Variants in TP53BP1 observed in about 807,000 individuals in gnomAD.
TP53BP1 encodes the protein TP53-binding protein 1.
A neutral mutation model predicts 200.8 loss-of-function variants in TP53BP1; 61 were observed. The observed-to-expected ratio is 0.30, with a 90% CI of 0.25 to 0.38. The LOEUF (loss-of-function observed/expected upper bound fraction) is 0.38, where lower values mean the gene tolerates loss of function less well. Among genes scored for constraint, TP53BP1 ranks in the 10% least tolerant of loss-of-function variants. The probability of loss-of-function intolerance (pLI) is 1.00; values close to 1 mark genes in which losing one functional copy is unlikely to be tolerated. For missense variants in TP53BP1, 2,144 were observed against 2,371.9 expected, an observed-to-expected ratio of 0.90 and a Z score of 2.00; for synonymous variants, 822 against 844.3, an observed-to-expected ratio of 0.97 and a Z score of 0.46.
intron 4 of TP53BP1, among the ~76,000 whole-genome samples, chr15:43,482,043 TG>T (rs765167520): frequency 6.1e-5 from 9 of 148,562 alleles, no homozygotes; most frequent in Non-Finnish European, 1.0e-4. Context: ...CTGGCTAACA[TG>T]GTGAAACCCC....
At chr15:43,440,316 C>T (rs1029573498) in intron 15 of TP53BP1, among the ~76,000 whole-genome samples, 6 of 151,942 alleles carry the variant, frequency 3.9e-5, no homozygotes, top group Non-Finnish European at 7.4e-5. Flanking sequence ...TCGAGACCAT[C>T]CTGGCTAACA....
upstream of TP53BP1, chr15:43,493,213 C>T: frequency 6.8e-7 from 1 of 1,471,286 alleles, no homozygotes; most frequent in Non-Finnish European, 9.0e-7. Context: ...CGCCGCCCGC[C>T]ACTCAAGAAA....
At chr15:43,477,821 C>G in intron 7 of TP53BP1, 62 bp from the exon 8 acceptor site, 1 of 1,320,632 alleles carries the variant, frequency 7.6e-7, no homozygotes, top group Non-Finnish European at 1.0e-6. Flanking sequence ...AAATAAAAAG[C>G]TTTTCCTGTT....
Position 43,408,100 on chromosome 15 carries a change from A to G in TP53BP1, c.5601-12T>C. On this transcript the variant is annotated splice_polypyrimidine_tract_variant and intron_variant, in intron 26 of 27. Coordinates refer to ENST00000382044, the MANE Select transcript of TP53BP1 (RefSeq NM_001141980.3). ...TTTCACGGGGTTGCCTATGAAGGAG[A>G]CAGGAAAGGACCTTAGCATGACAAG... is the stretch of plus-strand genomic sequence containing the variant. The G allele has an allele frequency of 1.9e-6, 3 of 1,612,912 alleles. No homozygotes were observed. Among genetic ancestry groups the G allele is most frequent in the Non-Finnish European group, 2.5e-6 (3 of 1,179,460 alleles).
chr15:43,510,205 T>C (rs1053153341), intron 1 of TP53BP1, among the ~76,000 whole-genome samples: 18 of 151,950 alleles, frequency 1.2e-4, no homozygotes, highest in African/African-American at 4.3e-4. Flanking sequence ...AACAGTCTCC[T>C]GAGGGAGACC....
chr15:43,465,317 T>C (rs536924818), intron 11 of TP53BP1, among the ~76,000 whole-genome samples: 2 of 152,252 alleles, frequency 1.3e-5, no homozygotes, highest in African/African-American at 2.4e-5. Context: ...ATGGTGATGG[T>C]TGCACAACTC....
Position 43,473,105 on chromosome 15 carries a change from C to T in TP53BP1, c.1180+1568G>A, listed in dbSNP as rs138396042. Among the ~76,000 whole-genome samples the T allele has an allele frequency of 2.0e-3, 299 of 152,210 alleles. 1 individual carries two copies. Among genetic ancestry groups the T allele is most frequent in the African/African-American group, 6.8e-3 (282 of 41,532 alleles). The stretch of plus-strand genomic sequence containing the variant: ...AGTTGTTCGTTCCTCCCAGTGGGCT[C>T]GTGGTCTCGCTGGCTTTAGGAGTGA... On this transcript the variant is annotated intron_variant, in intron 10 of 27. Coordinates refer to ENST00000382044, the MANE Select transcript of TP53BP1 (RefSeq NM_001141980.3).
chr15:43,415,336 G>T, intron 23 of TP53BP1: 1 of 533,486 alleles, frequency 1.9e-6, no homozygotes, highest in Non-Finnish European at 3.4e-6. Flanking sequence ...AGCCTCCCCA[G>T]TAGCTGGTAT....
chr15:43,413,479 C>G, intron 23 of TP53BP1, 145 bp from the exon 24 acceptor site: 1 of 633,590 alleles, frequency 1.6e-6, no homozygotes. Flanking sequence ...AACCAAAGAC[C>G]ATTCCAATGG....
chr15:43,423,528 A>C (rs2045454763), intron 18 of TP53BP1, among the ~76,000 whole-genome samples: 1 of 151,574 alleles, frequency 6.6e-6, no homozygotes, highest in Admixed American at 6.6e-5. Flanking sequence ...ATGGTGGTGC[A>C]CTCCTGTACT....
chr15:43,415,419 G>C lies in TP53BP1; in HGVS notation c.5089+175C>G, dbSNP rs980391007. The C allele has an allele frequency of 1.4e-5, 10 of 729,762 alleles. No individual in the cohort carries two copies. In the African/African-American group the frequency reaches 1.6e-4, roughly 11 times the overall value. The allele number at this position is 729,762 out of a possible 1,614,324, so 45.2% of individuals were successfully genotyped here. The stretch of plus-strand genomic sequence containing the variant: ...CCCGCACTAGAGTCTGTAGGGGATG[G>C]GGGAGGAGGGATACAGTGAGCTGTC... On this transcript the variant is annotated intron_variant, in intron 23 of 27. Coordinates refer to ENST00000382044, the MANE Select transcript of TP53BP1 (RefSeq NM_001141980.3).
chr15:43,495,096 G>GCAGGAGAATTGCTTGAACCC (rs1273539911), upstream of TP53BP1, among the ~76,000 whole-genome samples: 1 of 152,052 alleles, frequency 6.6e-6, no homozygotes, highest in African/African-American at 2.4e-5. Flanking sequence ...GGAGGCTGAG[G>GCAGGAGAATTGCTTGAACCC]TGAGAGCATC....
intron 1 of TP53BP1, 26 bp from the exon 2 acceptor site, chr15:43,492,494 T>C: frequency 6.3e-7 from 1 of 1,599,204 alleles, no homozygotes; most frequent in Non-Finnish European, 8.5e-7. Context: ...AAAAGATCAG[T>C]TCCGTGTAAC....
intron 23 of TP53BP1, among the ~76,000 whole-genome samples, chr15:43,413,553 T>G (rs980616968): frequency 6.6e-6 from 1 of 152,208 alleles, no homozygotes; most frequent in Non-Finnish European, 1.5e-5. Context: ...TTTACATATT[T>G]AAATTTTACA....
chr15:43,437,879 T>C (rs1052437241), intron 16 of TP53BP1, among the ~76,000 whole-genome samples: 2 of 152,272 alleles, frequency 1.3e-5, no homozygotes, highest in East Asian at 1.9e-4. Context: ...AAGAAAAAGA[T>C]TTACAGGATT....
chr15:43,443,639 G>C (rs1265039004), intron 14 of TP53BP1, among the ~76,000 whole-genome samples: 1 of 152,150 alleles, frequency 6.6e-6, no homozygotes. Flanking sequence ...AGGCTGCAGT[G>C]AGCTGAGATC....
intron 24 of TP53BP1, among the ~76,000 whole-genome samples, chr15:43,412,186 A>C (rs779895807): frequency 5.3e-5 from 8 of 152,202 alleles, no homozygotes; most frequent in Non-Finnish European, 7.3e-5. Flanking sequence ...GTCCTTGTAC[A>C]TATCTACACA....
chr15:43,502,486 ACTCT>A (rs1213531932), intron 1 of TP53BP1, among the ~76,000 whole-genome samples: 2 of 150,398 alleles, frequency 1.3e-5, no homozygotes, highest in Admixed American at 1.3e-4. Context: ...TTTGAGTCTC[ACTCT>A]GTCACCCAGG....
intron 4 of TP53BP1, among the ~76,000 whole-genome samples, chr15:43,488,294 T>C (rs1282329834): frequency 2.7e-5 from 4 of 149,488 alleles, no homozygotes; most frequent in African/African-American, 9.9e-5. Flanking sequence ...TGAGGCCCTG[T>C]CTCAAAAAAA....
Sources: allele counts gnomAD v4.1 joint callset (sites outside exome capture counted in the v4.1 genomes callset), GRCh38; gene constraint gnomAD v4.1.1; transcripts MANE v1.5; gene names NCBI Gene and HGNC (gene_info 2026-07-23, HGNC 2026-07-21).